The following GABBR2 variants were observed in gnomAD, a reference collection of about 807,000 sequenced individuals.
The protein encoded by GABBR2 is gamma-aminobutyric acid type B receptor subunit 2.
GABBR2 carries 23 observed loss-of-function variants against 105.6 expected under a neutral mutation model. That is an observed-to-expected ratio of 0.22 (90% CI 0.16 to 0.31). The LOEUF is 0.31. Among genes scored for constraint, GABBR2 ranks in the 10% least tolerant of loss-of-function variants. The probability of loss-of-function intolerance (pLI) is 1.00; values close to 1 mark genes in which losing one functional copy is unlikely to be tolerated. For synonymous variants in GABBR2, 478 were observed against 499.7 expected, an observed-to-expected ratio of 0.96 and a Z score of 0.58; for missense variants, 734 against 1,245.5, an observed-to-expected ratio of 0.59 and a Z score of 6.18.
chr9:98,424,652 A>C (rs1832842149), intron 7 of GABBR2, among the ~76,000 whole-genome samples: 1 of 149,976 alleles, frequency 6.7e-6, no homozygotes, highest in Non-Finnish European at 1.5e-5. Context: ...TACAAAATCA[A>C]TGTACAAAAA....
chr9:98,352,767 G>A lies in GABBR2; in HGVS notation c.1893+9948C>T, dbSNP rs116148230. On this transcript the variant is annotated intron_variant, in intron 13 of 18. Transcript: ENST00000259455. ...TTGTCCTGGGGGTAGCCTTCCTGGT[G>A]TGGTACATTGATGTTCTCTGGGGCA... is the stretch of plus-strand genomic sequence containing the variant. 2.5e-3 allele frequency among the ~76,000 whole-genome samples: 379 copies of A among 152,222 alleles called. 1 individual carries two copies. The highest frequency in any genetic ancestry group is 8.8e-3 in the African/African-American group (366 of 41,530).
intron 14 of GABBR2, among the ~76,000 whole-genome samples, chr9:98,308,691 T>C (rs922655226): frequency 6.6e-6 from 1 of 152,158 alleles, no homozygotes; most frequent in Non-Finnish European, 1.5e-5. Flanking sequence ...AAGGCATGCC[T>C]GGAACCATCA....
intron 3 of GABBR2, among the ~76,000 whole-genome samples, chr9:98,538,384 G>C (rs544227018): frequency 1.3e-3 from 204 of 152,296 alleles, no homozygotes; most frequent in African/African-American, 4.7e-3. Flanking sequence ...TTCTCTCCAT[G>C]GAACCCTGGT....
At chr9:98,457,759 T>C (rs1416663999) in intron 6 of GABBR2, among the ~76,000 whole-genome samples, 1 of 152,198 alleles carries the variant, frequency 6.6e-6, no homozygotes, top group East Asian at 1.9e-4. Context: ...CATTCATCAT[T>C]GTTCCCAGGC....
At chr9:98,409,310 C>T (rs1042417585) in intron 7 of GABBR2, among the ~76,000 whole-genome samples, 1 of 152,186 alleles carries the variant, frequency 6.6e-6, no homozygotes, top group Non-Finnish European at 1.5e-5. Context: ...GAGAAGATTG[C>T]ACTGTCTGTG....
chr9:98,629,501 A>T (rs988310100), intron 1 of GABBR2, among the ~76,000 whole-genome samples: 10 of 152,210 alleles, frequency 6.6e-5, no homozygotes, highest in South Asian at 2.1e-4. Context: ...TCCTACCTCC[A>T]ATAGCTTCAA....
chr9:98,386,341 C>T (rs1475025763), intron 10 of GABBR2, among the ~76,000 whole-genome samples: 1 of 151,900 alleles, frequency 6.6e-6, no homozygotes, highest in African/African-American at 2.4e-5. Flanking sequence ...TTGAGTAGAC[C>T]ATGTCAAGGA....
chr9:98,430,837 T>C (rs751698762), intron 7 of GABBR2, among the ~76,000 whole-genome samples: 3 of 152,040 alleles, frequency 2.0e-5, no homozygotes, highest in Admixed American at 1.3e-4. Flanking sequence ...TGGGCGATTG[T>C]AAGATTCACT....
intron 2 of GABBR2, among the ~76,000 whole-genome samples, chr9:98,548,703 C>G (rs1828435130): frequency 8.4e-6 from 1 of 119,596 alleles, no homozygotes; most frequent in Non-Finnish European, 1.9e-5. Flanking sequence ...GAGTCTAACT[C>G]AGATTGTAGG....
intron 1 of GABBR2, among the ~76,000 whole-genome samples, chr9:98,645,444 T>G (rs1405554671): frequency 6.6e-6 from 1 of 152,172 alleles, no homozygotes; most frequent in Non-Finnish European, 1.5e-5. Context: ...GAAGGGTGTC[T>G]AGTTCACTCT....
chr9:98,523,619 C>T (rs1305280793), intron 3 of GABBR2, among the ~76,000 whole-genome samples: 1 of 152,168 alleles, frequency 6.6e-6, no homozygotes, highest in African/African-American at 2.4e-5. Flanking sequence ...TCTAGATCTA[C>T]AGGAGGGGCT....
At chr9:98,555,247 G>A (rs1828564445) in intron 2 of GABBR2, among the ~76,000 whole-genome samples, 1 of 152,216 alleles carries the variant, frequency 6.6e-6, no homozygotes, top group African/African-American at 2.4e-5. Context: ...GGAAGGCAGG[G>A]GAGGAGCATA....
chr9:98,542,469 C>G (rs1190894420), intron 2 of GABBR2, among the ~76,000 whole-genome samples: 1 of 152,078 alleles, frequency 6.6e-6, no homozygotes, highest in Non-Finnish European at 1.5e-5. Context: ...ATGAATATAC[C>G]ATAAATTTAC....
intron 7 of GABBR2, among the ~76,000 whole-genome samples, chr9:98,416,603 C>G (rs1588149311): frequency 1.3e-5 from 2 of 152,346 alleles, no homozygotes; most frequent in East Asian, 3.9e-4. Context: ...CTTTCAGCAC[C>G]AGCCCTGCTA....
At chr9:98,546,187 A>T (rs1274271452) in intron 2 of GABBR2, among the ~76,000 whole-genome samples, 3 of 152,210 alleles carry the variant, frequency 2.0e-5, no homozygotes, top group East Asian at 3.8e-4. Context: ...TGGAAAAAAG[A>T]TGAAATCTAT....
At chr9:98,659,526 C>CTTTTTTTTTTT (rs149511264) in intron 1 of GABBR2, among the ~76,000 whole-genome samples, 5 of 35,190 alleles carry the variant, frequency 1.4e-4, no homozygotes, top group African/African-American at 1.8e-4. Flanking sequence ...CTTTTCTTTT[C>CTTTTTTTTTTT]TTTTTTTTTT....
rs1588194884 is a variant in GABBR2, at chr9:98,495,686, G to A, written c.732+727C>T. Among the ~76,000 whole-genome samples the A allele has an allele frequency of 2.6e-5, 4 of 152,260 alleles. No homozygotes were observed. In the East Asian group the frequency reaches 7.7e-4, roughly 29 times the overall value. On this transcript the variant is annotated intron_variant, in intron 4 of 18. Coordinates refer to ENST00000259455, the MANE Select transcript of GABBR2 (RefSeq NM_005458.8). ...CTACCGTGCTGGGCTCCTGTAGGAG[G>A]GGATCCCTCTCTTCCTCCTCCACCA...
In GABBR2 at chr9:98,676,149, T is replaced by A. The variant is rs1830474886; in HGVS notation, c.321+32268A>T. Among the ~76,000 whole-genome samples the A allele has an allele frequency of 2.0e-5, 3 of 152,334 alleles. No individual in the cohort carries two copies. The South Asian group carries it at 6.2e-4, about 32-fold the overall frequency. On this transcript the variant is annotated intron_variant, in intron 1 of 18. Transcript: ENST00000259455. ...GTTCTTATACGTGGGAGGCTAGAAA[T>A]CAGAGTGAATAGCAAGAGATGTGAC...
rs71501870 is a variant in GABBR2 at position 98,621,136 on chromosome 9, A to T, written c.322-43064T>A. Among the ~76,000 whole-genome samples the T allele has an allele frequency of 6.0e-3, 917 of 152,294 alleles. 2 individuals carry two copies. Among genetic ancestry groups the T allele is most frequent in the Admixed American group, 9.0e-3 (137 of 15,302 alleles). On this transcript the variant is annotated intron_variant, in intron 1 of 18. Coordinates refer to ENST00000259455, the MANE Select transcript of GABBR2 (RefSeq NM_005458.8). ...CAATTTATGAAGCACTTTCTCCATT[A>T]TCTCCTGTTGAAGGCATGGCAGTCC...
Sources: allele counts gnomAD v4.1 joint callset (sites outside exome capture counted in the v4.1 genomes callset), GRCh38; gene constraint gnomAD v4.1.1; transcripts MANE v1.5; gene names NCBI Gene and HGNC (gene_info 2026-07-23, HGNC 2026-07-21).